The following ZNF800 variants were observed in gnomAD, a reference collection of about 807,000 sequenced individuals.
ZNF800 encodes the protein zinc finger protein 800.
Under a neutral mutation model 59.5 loss-of-function variants are expected in ZNF800, and 13 were observed. The ratio of observed to expected loss-of-function variants is 0.22; its 90% CI spans 0.14 to 0.35. The LOEUF (loss-of-function observed/expected upper bound fraction) is 0.35, where lower values mean the gene tolerates loss of function less well. ZNF800 is among the 10% of genes least tolerant of loss of function. The pLI is 1.00. For missense variants in ZNF800, 621 were observed against 783.7 expected, an observed-to-expected ratio of 0.79 and a Z score of 2.48; for synonymous variants, 266 against 265.7, an observed-to-expected ratio of 1.00 and a Z score of -0.01.
At position 127,374,784 on chromosome 7, in the gene ZNF800, T is replaced by A. The variant is rs572050072; in HGVS notation, c.552A>T (p.Thr184=). Residue 184 remains threonine, a synonymous_variant, in exon 5 of 6, where the codon ACA becomes ACT. Transcript: ENST00000265827. ...STEQSKTVPV[T]DTEVETVEPP... ...GCTCTACAGTTTCCACCTCTGTATCTGTAACCGGTACTGTTTTTGACTGTT... is the reference window on the plus strand; with the variant it reads ...GCTCTACAGTTTCCACCTCTGTATCAGTAACCGGTACTGTTTTTGACTGTT... 6.2e-7 allele frequency: 1 copy of A among 1,613,628 alleles called. No individual in the cohort carries two copies. The highest frequency in any genetic ancestry group is 1.3e-5 in the African/African-American group (1 of 75,016).
intron 1 of ZNF800, chr7:127,364,028 T>A (rs1394130209): frequency 1.3e-5 from 2 of 152,228 alleles, no homozygotes; most frequent in East Asian, 3.9e-4. Flanking sequence ...TTCTATCTCA[T>A]TAGAAGATTT....
chr7:127,379,876 G>C (rs756966286), intron 3 of ZNF800, among the ~76,000 whole-genome samples: 10,874 of 56,466 alleles, frequency 0.19, 802 homozygotes, highest in Middle Eastern at 0.46. Flanking sequence ...CACACAGAGA[G>C]AGAGAGAGAG....
chr7:127,353,449 T>C (rs981611086), intron 1 of ZNF800, among the ~76,000 whole-genome samples: 1 of 152,210 alleles, frequency 6.6e-6, no homozygotes, highest in Non-Finnish European at 1.5e-5. Flanking sequence ...GCTATGAACA[T>C]CAAGAATATG....
chr7:127,386,329 T>C (rs1801139111), intron 2 of ZNF800, among the ~76,000 whole-genome samples, 174 bp from the exon 3 acceptor site: 1 of 152,178 alleles, frequency 6.6e-6, no homozygotes, highest in Admixed American at 6.5e-5. Context: ...AACCATCATC[T>C]TTGTAAGGCA....
At chr7:127,343,780 A>G (rs1046196056), downstream of ZNF800, among the ~76,000 whole-genome samples, 3 of 152,104 alleles carry the variant, frequency 2.0e-5, no homozygotes, top group African/African-American at 7.2e-5. Context: ...GGGAAAAACC[A>G]CCATTATTTA....
intron 1 of ZNF800, chr7:127,362,112 C>G (rs916031708): frequency 1.3e-5 from 2 of 152,072 alleles, no homozygotes; most frequent in African/African-American, 2.4e-5. Context: ...TACAATTATT[C>G]CAAGCCCCAG....
chr7:127,388,714 A>C (rs1035122802), intron 2 of ZNF800, among the ~76,000 whole-genome samples: 9 of 152,126 alleles, frequency 5.9e-5, no homozygotes, highest in African/African-American at 1.7e-4. Context: ...CCCTCAGAAC[A>C]CTGCTACCAC....
chr7:127,364,238 G>A (rs1800456122), intron 1 of ZNF800: 2 of 152,108 alleles, frequency 1.3e-5, no homozygotes, highest in African/African-American at 4.8e-5. Context: ...TCACATTTAT[G>A]TGGTGACCTT....
intron 3 of ZNF800, among the ~76,000 whole-genome samples, chr7:127,384,131 T>A (rs949030965): frequency 1.6e-4 from 25 of 151,554 alleles, no homozygotes; most frequent in Non-Finnish European, 2.9e-4. Context: ...GAATCTTTTT[T>A]AATTCTGTAC....
chr7:127,352,279 T>C (rs1261656886), intron 1 of ZNF800, among the ~76,000 whole-genome samples: 2 of 152,228 alleles, frequency 1.3e-5, no homozygotes, highest in African/African-American at 4.8e-5. Flanking sequence ...TATCATGTAC[T>C]TACTGTATAC....
At chr7:127,354,892 GAAATA>G (rs969491033) in intron 1 of ZNF800, among the ~76,000 whole-genome samples, 56 of 152,018 alleles carry the variant, frequency 3.7e-4, no homozygotes, top group Admixed American at 2.0e-4. Flanking sequence ...ATCAGGTGGT[GAAATA>G]AAATAACTAT....
intron 1 of ZNF800, among the ~76,000 whole-genome samples, chr7:127,349,641 A>G (rs960708250): frequency 6.6e-6 from 1 of 152,244 alleles, no homozygotes; most frequent in Non-Finnish European, 1.5e-5. Context: ...TGTGTCTGGA[A>G]GCATACTTTT....
At chr7:127,390,435 G>A (rs1175152172) in intron 2 of ZNF800, among the ~76,000 whole-genome samples, 2 of 152,198 alleles carry the variant, frequency 1.3e-5, no homozygotes, top group African/African-American at 4.8e-5. Flanking sequence ...GCAAAGTACA[G>A]TAGAGATAGG....
chr7:127,356,720 CAAGA>C (rs1338654632), intron 1 of ZNF800, among the ~76,000 whole-genome samples: 3 of 151,630 alleles, frequency 2.0e-5, no homozygotes, highest in Non-Finnish European at 1.5e-5. Context: ...GTATAAATAA[CAAGA>C]AAGAGAAACC....
At chr7:127,354,415 T>C (rs190333916) in intron 1 of ZNF800, among the ~76,000 whole-genome samples, 70 of 152,044 alleles carry the variant, frequency 4.6e-4, no homozygotes, top group African/African-American at 1.3e-3. Context: ...TATAGCAAAA[T>C]GGAAAGTTCA....
At chr7:127,385,933 T>C in intron 3 of ZNF800, 127 bp downstream of exon 3, 1 of 606,214 alleles carries the variant, frequency 1.6e-6, no homozygotes, top group Non-Finnish European at 2.7e-6. Flanking sequence ...ATATGAAAAT[T>C]TTAAATATTC....
rs1800606237 is a variant in ZNF800 at position 127,370,461 on chromosome 7, C to T, written c.*1353G>A. On this transcript the variant is annotated 3_prime_UTR_variant, in exon 6 of 6. Transcript: ENST00000265827. ...ATTTCCAGCAATAGTTACAGTCTTT[C>T]TAGTTTCCTTTCACAGTATATTTTA... is the stretch of plus-strand genomic sequence containing the variant. The T allele has an allele frequency of 6.6e-6, 1 of 152,546 alleles. No homozygotes were observed. The highest frequency in any genetic ancestry group is 1.5e-5 in the Non-Finnish European group (1 of 67,982). 9.4% of individuals were successfully genotyped at this position (152,546 alleles called of 1,614,324 possible). A position where few individuals can be genotyped will look rare whatever the true frequency, so the allele number is the denominator to read the frequency against.
In ZNF800 at chr7:127,371,530, A is replaced by G. The variant is rs1044750038; in HGVS notation, c.*284T>C. On this transcript the variant is annotated 3_prime_UTR_variant, in exon 6 of 6. Coordinates refer to ENST00000265827, the MANE Select transcript of ZNF800 (RefSeq NM_176814.5). ...CAAAATTTGTAACATTTTTGTAGAA[A>G]CTGTCGACCAAATGCACAAGGTCAA... 3.3e-6 allele frequency: 1 copy of G among 305,290 alleles called. No individual in the cohort carries two copies. The highest frequency in any genetic ancestry group is 6.0e-6 in the Non-Finnish European group (1 of 166,806). The allele number at this position is 305,290 out of a possible 1,614,324, so 18.9% of individuals were successfully genotyped here. A position where few individuals can be genotyped will look rare whatever the true frequency, so the allele number is the denominator to read the frequency against.
intron 1 of ZNF800, chr7:127,350,551 T>C (rs910228414): frequency 3.9e-5 from 6 of 152,210 alleles, no homozygotes; most frequent in African/African-American, 7.2e-5. Context: ...CAGAATTGCA[T>C]AGAATGGAAT....
Sources: allele counts gnomAD v4.1 joint callset (sites outside exome capture counted in the v4.1 genomes callset), GRCh38; gene constraint gnomAD v4.1.1; transcripts MANE v1.5; gene names NCBI Gene and HGNC (gene_info 2026-07-23, HGNC 2026-07-21).